CALN1: variants seen among roughly 807,000 people sequenced by gnomAD.
The protein encoded by CALN1 is calcium-binding protein 8.
CALN1 carries 17 observed loss-of-function variants against 30.6 expected under a neutral mutation model. The ratio of observed to expected loss-of-function variants is 0.56; its 90% confidence interval spans 0.38 to 0.83. The LOEUF (loss-of-function observed/expected upper bound fraction) is 0.83. CALN1 is among the 40% of genes least tolerant of loss of function. The pLI, the probability that CALN1 is intolerant of heterozygous loss-of-function variation, is 0.00. For synonymous variants in CALN1, 156 were observed against 131.4 expected, an observed-to-expected ratio of 1.19 and a Z score of -1.28; for missense variants, 291 against 354.9, an observed-to-expected ratio of 0.82 and a Z score of 1.45.
intron 4 of CALN1, among the ~76,000 whole-genome samples, chr7:72,035,807 C>A (rs1256781105): frequency 6.6e-6 from 1 of 152,168 alleles, no homozygotes; most frequent in Non-Finnish European, 1.5e-5. Flanking sequence ...TGGCCCAAAC[C>A]ACAAACTAGT....
intron 2 of CALN1, among the ~76,000 whole-genome samples, chr7:72,342,312 G>A (rs1420443005): frequency 6.6e-6 from 1 of 151,370 alleles, no homozygotes; most frequent in Non-Finnish European, 1.5e-5. Flanking sequence ...CTGGATGGCA[G>A]ACTTCTGCAG....
chr7:72,262,120 G>C (rs908978915), intron 3 of CALN1, among the ~76,000 whole-genome samples: 7 of 152,126 alleles, frequency 4.6e-5, no homozygotes, highest in African/African-American at 1.7e-4. Context: ...AGTGAGTTCT[G>C]GTCAACCGGC....
chr7:72,014,011 TTTACATTTCTACAAAGAAATTGTAA>T (rs767546656), intron 5 of CALN1, among the ~76,000 whole-genome samples: 13 of 152,146 alleles, frequency 8.5e-5, no homozygotes, highest in Admixed American at 6.5e-4. Flanking sequence ...GATTTACAAA[TTTACATTTCTACAAAGAAATTGTAA>T]ATACATTTCT....
chr7:72,433,151 G>C (rs1459902907), intron 1 of CALN1, among the ~76,000 whole-genome samples: 7 of 152,100 alleles, frequency 4.6e-5, no homozygotes, highest in Admixed American at 3.9e-4. Flanking sequence ...CACTACAAGG[G>C]GGAAAGGAAC....
At chr7:72,363,843 T>C (rs1029330127) in intron 2 of CALN1, among the ~76,000 whole-genome samples, 7 of 150,724 alleles carry the variant, frequency 4.6e-5, no homozygotes, top group South Asian at 2.1e-4. Flanking sequence ...TTTGCAATTC[T>C]CTTGCCTCAG....
At chr7:71,959,621 G>A (rs892247016) in intron 5 of CALN1, among the ~76,000 whole-genome samples, 1 of 126,566 alleles carries the variant, frequency 7.9e-6, no homozygotes, top group African/African-American at 3.5e-5. Flanking sequence ...TACCTTTCCA[G>A]CTTTTTTTTT....
chr7:71,824,692 A>AG (rs1220266740), intron 5 of CALN1, among the ~76,000 whole-genome samples: 3 of 152,186 alleles, frequency 2.0e-5, no homozygotes, highest in African/African-American at 7.2e-5. Context: ...TCTCCTCTGG[A>AG]GAAAAAGACA....
intron 6 of CALN1, among the ~76,000 whole-genome samples, chr7:71,807,996 C>T (rs545269589): frequency 6.6e-6 from 1 of 152,214 alleles, no homozygotes; most frequent in African/African-American, 2.4e-5. Flanking sequence ...ATTGCTTGAA[C>T]CCGGGAAGCA....
intron 2 of CALN1, among the ~76,000 whole-genome samples, chr7:72,347,533 T>A (rs1239261645): frequency 6.6e-6 from 1 of 152,068 alleles, no homozygotes. Flanking sequence ...CCCAAAGTGC[T>A]GGGGTTACAG....
At chr7:71,919,909 G>A (rs914265567) in intron 5 of CALN1, among the ~76,000 whole-genome samples, 4 of 152,132 alleles carry the variant, frequency 2.6e-5, no homozygotes, top group Non-Finnish European at 4.4e-5. Flanking sequence ...AGTATTTCCC[G>A]ATGTGTTCCT....
intron 5 of CALN1, among the ~76,000 whole-genome samples, chr7:71,854,713 T>C (rs1020567959): frequency 1.3e-5 from 2 of 152,220 alleles, no homozygotes; most frequent in Non-Finnish European, 2.9e-5. Context: ...TCTCGAAAGA[T>C]CACAGAAATT....
upstream of CALN1, among the ~76,000 whole-genome samples, chr7:72,449,688 T>C (rs1375148696): frequency 1.3e-5 from 2 of 151,674 alleles, no homozygotes; most frequent in East Asian, 1.9e-4. Flanking sequence ...CTGGCTAACA[T>C]GGTGAAACCC....
chr7:71,924,983 T>C (rs1584524196), intron 5 of CALN1, among the ~76,000 whole-genome samples: 3 of 152,178 alleles, frequency 2.0e-5, no homozygotes, highest in East Asian at 3.8e-4. Context: ...GCTCACGCCT[T>C]TAATCCCAGC....
intron 2 of CALN1, among the ~76,000 whole-genome samples, chr7:72,290,856 C>CTGATA (rs1391133699): frequency 2.0e-5 from 3 of 151,942 alleles, no homozygotes; most frequent in African/African-American, 7.2e-5. Flanking sequence ...CTTTTATAAA[C>CTGATA]ACACCTCTTA....
At chr7:71,939,329 G>A (rs1796001967) in intron 5 of CALN1, among the ~76,000 whole-genome samples, 2 of 151,068 alleles carry the variant, frequency 1.3e-5, no homozygotes, top group South Asian at 4.2e-4. Context: ...AGGCCGAGGT[G>A]GATGGGTCAC....
At chr7:72,169,206 A>G (rs576821669) in intron 3 of CALN1, among the ~76,000 whole-genome samples, 1 of 152,200 alleles carries the variant, frequency 6.6e-6, no homozygotes, top group Non-Finnish European at 1.5e-5. Flanking sequence ...TCACTGCACC[A>G]CATAAAAAGA....
chr7:72,426,596 AC>A, intron 1 of CALN1, among the ~76,000 whole-genome samples: 1 of 152,230 alleles, frequency 6.6e-6, no homozygotes, highest in South Asian at 2.1e-4. Context: ...TTATCTTTAA[AC>A]CAGTGTGAAA....
At chr7:72,164,577 A>G (rs959853072) in intron 3 of CALN1, among the ~76,000 whole-genome samples, 2 of 152,228 alleles carry the variant, frequency 1.3e-5, no homozygotes, top group African/African-American at 2.4e-5. Flanking sequence ...TCCATCCTTT[A>G]GAACTGTGAG....
intron 5 of CALN1, among the ~76,000 whole-genome samples, chr7:71,890,848 A>G (rs1288591972): frequency 1.3e-5 from 2 of 149,744 alleles, no homozygotes; most frequent in Non-Finnish European, 3.0e-5. Context: ...CCAGGTTCAG[A>G]TGATCCTCCC....
Sources: allele counts gnomAD v4.1 joint callset (sites outside exome capture counted in the v4.1 genomes callset), GRCh38; gene constraint gnomAD v4.1.1; transcripts MANE v1.5; gene names NCBI Gene and HGNC (gene_info 2026-07-23, HGNC 2026-07-21).